The following CHN2 variants were observed in gnomAD, a reference collection of about 807,000 sequenced individuals.
CHN2 encodes the protein beta-chimaerin.
Under a neutral mutation model 56.3 loss-of-function variants are expected in CHN2, and 35 were observed. That is an observed-to-expected ratio of 0.62 (90% CI 0.47 to 0.82). The LOEUF (loss-of-function observed/expected upper bound fraction) is 0.82, where lower values mean the gene tolerates loss of function less well. Among genes scored for constraint, CHN2 ranks in the 40% least tolerant of loss-of-function variants. The pLI is 0.00. For synonymous variants in CHN2, 210 were observed against 212.8 expected, an observed-to-expected ratio of 0.99 and a Z score of 0.12; for missense variants, 491 against 580.5, an observed-to-expected ratio of 0.85 and a Z score of 1.58.
intron 2 of CHN2, chr7:29,186,665 A>G (rs1798756217): frequency 6.6e-6 from 1 of 152,152 alleles, no homozygotes; most frequent in African/African-American, 2.4e-5. Flanking sequence ...AAATAAAAAC[A>G]TGAGTATTCA....
intron 2 of CHN2, among the ~76,000 whole-genome samples, chr7:29,164,167 T>C (rs368806124): frequency 3.3e-5 from 5 of 152,216 alleles, no homozygotes; most frequent in Non-Finnish European, 4.4e-5. Flanking sequence ...CCAACACTTA[T>C]TGTGTCTTTT....
At chr7:29,156,649 A>G (rs1285163405) in intron 2 of CHN2, among the ~76,000 whole-genome samples, 1 of 152,186 alleles carries the variant, frequency 6.6e-6, no homozygotes, top group Non-Finnish European at 1.5e-5. Context: ...TATAAACGCT[A>G]ATTAAATATG....
intron 1 of CHN2, among the ~76,000 whole-genome samples, chr7:29,286,142 CT>C (rs978781228): frequency 6.6e-6 from 1 of 152,096 alleles, no homozygotes; most frequent in Non-Finnish European, 1.5e-5. Context: ...CATACCCACC[CT>C]TTTATAGTTT....
chr7:29,318,500 T>G (rs1184815045), intron 1 of CHN2, among the ~76,000 whole-genome samples: 1 of 152,144 alleles, frequency 6.6e-6, no homozygotes, highest in African/African-American at 2.4e-5. Context: ...CTGAGGGGGC[T>G]GCTGAGCCTG....
intron 2 of CHN2, among the ~76,000 whole-genome samples, chr7:29,364,788 A>G (rs1177342184): frequency 6.6e-6 from 1 of 152,046 alleles, no homozygotes; most frequent in Non-Finnish European, 1.5e-5. Context: ...ATGATTCAAA[A>G]CTCAAAACAA....
chr7:29,458,377 G>GCACACACA (rs58364010), intron 6 of CHN2, among the ~76,000 whole-genome samples: 1 of 135,916 alleles, frequency 7.4e-6, no homozygotes, highest in African/African-American at 2.7e-5. Flanking sequence ...GCATAGCTGT[G>GCACACACA]CACACACACA....
intron 3 of CHN2, among the ~76,000 whole-genome samples, chr7:29,374,706 T>G (rs1432281392): frequency 6.6e-6 from 1 of 152,108 alleles, no homozygotes; most frequent in Non-Finnish European, 1.5e-5. Context: ...AAAAGTAGAA[T>G]GAGGAAAGTA....
At chr7:29,229,575 C>G (rs560151444) in intron 1 of CHN2, among the ~76,000 whole-genome samples, 4 of 152,186 alleles carry the variant, frequency 2.6e-5, no homozygotes, top group Non-Finnish European at 5.9e-5. Context: ...TCACCATTTG[C>G]TACAGCTGTG....
intron 1 of CHN2, among the ~76,000 whole-genome samples, chr7:29,206,715 C>T (rs1784546614): frequency 6.6e-6 from 1 of 152,062 alleles, no homozygotes; most frequent in African/African-American, 2.4e-5. Context: ...GAATAGTGAA[C>T]ACTGAAGAAA....
intron 1 of CHN2, among the ~76,000 whole-genome samples, chr7:29,346,754 G>T (rs1181461851): frequency 6.6e-6 from 1 of 152,148 alleles, no homozygotes; most frequent in Non-Finnish European, 1.5e-5. Context: ...CCACTGAGCC[G>T]AGTGAAGGAA....
chr7:29,212,325 C>A (rs1785018649), intron 1 of CHN2: 3 of 1,391,130 alleles, frequency 2.2e-6, no homozygotes, highest in Non-Finnish European at 3.1e-6. Flanking sequence ...GGCTTGTCTG[C>A]AAAGCTTGCC....
chr7:29,281,427 G>A (rs1251159558), intron 1 of CHN2, among the ~76,000 whole-genome samples: 1 of 152,164 alleles, frequency 6.6e-6, no homozygotes, highest in African/African-American at 2.4e-5. Flanking sequence ...TTCTGCTCTT[G>A]TAAAGAGTGC....
At chr7:29,430,427 T>C (rs1562600683) in intron 6 of CHN2, among the ~76,000 whole-genome samples, 1 of 152,322 alleles carries the variant, frequency 6.6e-6, no homozygotes, top group East Asian at 1.9e-4. Context: ...CAGAATAGGT[T>C]CTGAGTGACT....
intron 6 of CHN2, among the ~76,000 whole-genome samples, chr7:29,474,316 T>G (rs1282955516): frequency 6.6e-6 from 1 of 152,258 alleles, no homozygotes; most frequent in Non-Finnish European, 1.5e-5. Context: ...TTTTTCACAT[T>G]TCTTGATATT....
intron 2 of CHN2, among the ~76,000 whole-genome samples, chr7:29,150,366 G>T (rs551552995): frequency 6.6e-6 from 1 of 152,160 alleles, no homozygotes; most frequent in African/African-American, 2.4e-5. Flanking sequence ...TCAAAAAATG[G>T]CAGCTGTAAC....
intron 1 of CHN2, among the ~76,000 whole-genome samples, chr7:29,340,910 A>C (rs1797006683): frequency 6.6e-6 from 1 of 152,222 alleles, no homozygotes; most frequent in Non-Finnish European, 1.5e-5. Context: ...GAGTCACGTC[A>C]AACAGCTTCA....
At chr7:29,151,933 C>T (rs1010018321) in intron 2 of CHN2, among the ~76,000 whole-genome samples, 1 of 152,222 alleles carries the variant, frequency 6.6e-6, no homozygotes, top group East Asian at 1.9e-4. Context: ...AAAGGACAAA[C>T]AGATAGTAAA....
chr7:29,397,791 G>A (rs572393560), intron 4 of CHN2: 3 of 152,352 alleles, frequency 2.0e-5, no homozygotes, highest in African/African-American at 7.2e-5. Context: ...TGGTAGAGAA[G>A]ATAAATTTAT....
At chr7:29,334,024 C>G (rs1796418604) in intron 1 of CHN2, among the ~76,000 whole-genome samples, 1 of 151,408 alleles carries the variant, frequency 6.6e-6, no homozygotes, top group African/African-American at 2.4e-5. Flanking sequence ...ATCTCAAAAG[C>G]CAAATGATAA....
Sources: allele counts gnomAD v4.1 joint callset (sites outside exome capture counted in the v4.1 genomes callset), GRCh38; gene constraint gnomAD v4.1.1; transcripts MANE v1.5; gene names NCBI Gene and HGNC (gene_info 2026-07-23, HGNC 2026-07-21).